Variants in MYO1D observed in about 807,000 individuals in gnomAD.
MYO1D encodes the protein myosin ID, also known as unconventional myosin-Id.
MYO1D carries 83 observed loss-of-function variants against 122.0 expected under a neutral mutation model. That is an observed-to-expected ratio of 0.68 (90% CI 0.57 to 0.82). MYO1D has a LOEUF of 0.82. Among genes scored for constraint, MYO1D ranks in the 40% least tolerant of loss-of-function variants. MYO1D has a pLI of 0.00. For missense variants in MYO1D, 1,157 were observed against 1,269.5 expected (o/e 0.91, Z 1.35); for synonymous variants, 464 against 446.9 (o/e 1.04, Z -0.48).
chr17:32,778,633 T>G lies in MYO1D; in HGVS notation c.305-60A>C, dbSNP rs774461902. ...AATTTAAACCAAGAGTAAGCTAATT[T>G]TTAATAGAATAATTTAAAAATCTGA... On this transcript the variant is annotated intron_variant, in intron 2 of 21. Transcript: ENST00000318217. 999 of 1,382,360 alleles carry G rather than the reference T, an allele frequency of 7.2e-4. 1 individual carries two copies. The highest frequency in any genetic ancestry group is 9.2e-4 in the Non-Finnish European group (904 of 982,672). The allele number at this position is 1,382,360 out of a possible 1,614,324, so 85.6% of individuals were successfully genotyped here. A position where few individuals can be genotyped will look rare whatever the true frequency, so the allele number is the denominator to read the frequency against.
At chr17:32,581,589 C>T (rs1031145700) in intron 21 of MYO1D, among the ~76,000 whole-genome samples, 1 of 147,188 alleles carries the variant, frequency 6.8e-6, no homozygotes, top group African/African-American at 2.5e-5. Context: ...CTTTTTTTTT[C>T]CCGACAGGGC....
At position 32,745,227 on chromosome 17, in the gene MYO1D, G is replaced by T. The variant is rs773647733; in HGVS notation, c.1597C>A (p.Arg533Ser). 6.6e-7 allele frequency: 1 copy of T among 1,526,652 alleles called. No homozygotes were observed. The highest frequency in any genetic ancestry group is 9.0e-7 in the Non-Finnish European group (1 of 1,106,838). 94.6% of individuals were successfully genotyped at this position (1,526,652 alleles called of 1,614,324 possible). A position where few individuals can be genotyped will look rare whatever the true frequency, so the allele number is the denominator to read the frequency against. The change falls in exon 13 of 22, where the codon CGC becomes AGC. Residue 533 changes from arginine (R) to serine (S), a missense_variant. Arg to Ser is a moderately radical substitution (Grantham distance 110). Transcript: ENST00000318217. The part of the protein sequence containing the change: ...NKDTLFQDFK[R>S]LMYNSSNPVL... ...CAATCTTACCTGTTATACATAAGGC[G>T]CTTGAAATCTTGAAATAAAGTATCT...
intron 20 of MYO1D, among the ~76,000 whole-genome samples, chr17:32,637,142 T>C (rs185581720): frequency 1.3e-5 from 2 of 152,338 alleles, no homozygotes; most frequent in East Asian, 1.9e-4. Context: ...TAACTATTTA[T>C]TGAATTTATA....
At chr17:32,614,042 TTG>T (rs2087739692) in intron 20 of MYO1D, among the ~76,000 whole-genome samples, 1 of 151,504 alleles carries the variant, frequency 6.6e-6, no homozygotes, top group Admixed American at 6.6e-5. Context: ...AATGTATTTA[TTG>T]CTATTTCATC....
intron 14 of MYO1D, among the ~76,000 whole-genome samples, chr17:32,733,562 T>C (rs541447669): frequency 7.9e-5 from 12 of 152,326 alleles, no homozygotes; most frequent in South Asian, 2.1e-4. Context: ...TCACTCTACA[T>C]GTAGCCCTTT....
intron 1 of MYO1D, among the ~76,000 whole-genome samples, chr17:32,838,828 C>G (rs1442612028): frequency 6.6e-6 from 1 of 152,152 alleles, no homozygotes; most frequent in Non-Finnish European, 1.5e-5. Flanking sequence ...ACTCAATACT[C>G]TTCTTCAAAC....
At chr17:32,502,647 A>G (rs1438330560) in intron 21 of MYO1D, among the ~76,000 whole-genome samples, 1 of 152,214 alleles carries the variant, frequency 6.6e-6, no homozygotes, top group Non-Finnish European at 1.5e-5. Flanking sequence ...TCTCAAGTTT[A>G]GCCAAAATAA....
chr17:32,664,764 G>A (rs1260106213), intron 16 of MYO1D, among the ~76,000 whole-genome samples: 4 of 152,180 alleles, frequency 2.6e-5, no homozygotes, highest in Non-Finnish European at 5.9e-5. Context: ...ATGCTGGCAT[G>A]GCGTTGCACA....
chr17:32,780,906 G>A (rs536510748), intron 1 of MYO1D, 122 bp from the exon 2 acceptor site: 72 of 949,362 alleles, frequency 7.6e-5, no homozygotes, highest in Non-Finnish European at 1.1e-4. Flanking sequence ...CTGAACTGAC[G>A]TTTCATTGGC....
chr17:32,792,407 C>G (rs1194277254), intron 1 of MYO1D: 1 of 147,318 alleles, frequency 6.8e-6, no homozygotes, highest in Admixed American at 6.7e-5. Flanking sequence ...AAAACTTTGA[C>G]CCCTTTCTAC....
chr17:32,821,339 C>A (rs2090661424), intron 1 of MYO1D, among the ~76,000 whole-genome samples: 1 of 152,046 alleles, frequency 6.6e-6, no homozygotes, highest in Non-Finnish European at 1.5e-5. Flanking sequence ...ATAACTATCA[C>A]TTTCATTGTT....
intron 10 of MYO1D, 25 bp from the exon 11 acceptor site, chr17:32,755,687 T>A (rs2089940524): frequency 6.2e-7 from 1 of 1,601,316 alleles, no homozygotes; most frequent in Non-Finnish European, 8.5e-7. Flanking sequence ...AAGGAGGGAA[T>A]TCTGAAGAGA....
In MYO1D at chr17:32,494,894, C is replaced by T; in HGVS notation, c.2886G>A (p.Val962=). 1 of 1,603,860 alleles carries T rather than the reference C, an allele frequency of 6.2e-7. No individual in the cohort carries two copies. Among genetic ancestry groups the T allele is most frequent in the Middle Eastern group, 1.7e-4 (1 of 6,020 alleles). ...HFKSEKRHLQ[V]NVTNPVQCSL... ...TGCACTGTACTGGGTTGGTGACGTT[C>T]ACTTGAAGGTGGCGCTTCTCACTGC... The change falls in exon 22 of 22, where the codon GTG becomes GTA. Residue 962 remains valine (V), a synonymous_variant. Coordinates refer to ENST00000318217, the MANE Select transcript of MYO1D (RefSeq NM_015194.3).
At chr17:32,650,584 T>C (rs2088375509) in intron 19 of MYO1D, among the ~76,000 whole-genome samples, 1 of 152,174 alleles carries the variant, frequency 6.6e-6, no homozygotes, top group South Asian at 2.1e-4. Context: ...GTTTTAGCCT[T>C]TTATTTTTCT....
chr17:32,685,828 A>G (rs541124923), intron 16 of MYO1D, among the ~76,000 whole-genome samples: 2 of 152,356 alleles, frequency 1.3e-5, no homozygotes, highest in South Asian at 4.1e-4. Context: ...GCTCGGTTAC[A>G]TTATAGTTGA....
At chr17:32,841,303 A>G (rs2090878625) in intron 1 of MYO1D, among the ~76,000 whole-genome samples, 1 of 151,968 alleles carries the variant, frequency 6.6e-6, no homozygotes, top group Admixed American at 6.6e-5. Context: ...TCCCACCTTT[A>G]CAAAAAATAG....
At chr17:32,723,388 T>C (rs1220698242) in intron 14 of MYO1D, among the ~76,000 whole-genome samples, 1 of 152,172 alleles carries the variant, frequency 6.6e-6, no homozygotes, top group Non-Finnish European at 1.5e-5. Context: ...TGTAGGACAC[T>C]TAGCTGATGT....
intron 6 of MYO1D, among the ~76,000 whole-genome samples, chr17:32,769,365 A>C (rs540160581): frequency 6.6e-6 from 1 of 152,346 alleles, no homozygotes; most frequent in African/African-American, 2.4e-5. Context: ...GTCCCTGACA[A>C]CATTGTTAAG....
chr17:32,700,515 ACTAATAAATG>A (rs1198745812), intron 16 of MYO1D, among the ~76,000 whole-genome samples: 6 of 152,248 alleles, frequency 3.9e-5, no homozygotes, highest in African/African-American at 1.4e-4. Flanking sequence ...ACAGTTCATT[ACTAATAAATG>A]TGAAAGAAAA....
Sources: gnomAD v4.1 joint callset for allele counts (sites outside exome capture counted in the v4.1 genomes callset) on GRCh38, gnomAD v4.1.1 for gene constraint, MANE v1.5 for transcripts, NCBI Gene and HGNC (gene_info 2026-07-23, HGNC 2026-07-21) for gene names.